Variants in TRMT11 observed in about 807,000 individuals in gnomAD.
TRMT11 encodes tRNA methyltransferase 11.
In TRMT11, 53 loss-of-function variants were observed where a neutral mutation model predicts 62.8. That is an observed-to-expected ratio of 0.84 (90% confidence interval 0.68 to 1.06). The LOEUF (loss-of-function observed/expected upper bound fraction) is 1.06. Ranked by LOEUF, TRMT11 falls within the 50% of genes least tolerant of loss-of-function variation. TRMT11 has a pLI of 0.00. For synonymous variants in TRMT11, 188 were observed against 190.3 expected (o/e 0.99, Z 0.10); for missense variants, 556 against 553.4 (o/e 1.00, Z -0.05).
the TRMT11 span, among the ~76,000 whole-genome samples, chr6:126,237,612 T>A: frequency 2.6e-4 from 40 of 152,100 alleles, no homozygotes; most frequent in African/African-American, 9.4e-4. Flanking sequence ...GCCTGGCAGG[T>A]TGAGGCTGTA....
the TRMT11 span, among the ~76,000 whole-genome samples, chr6:126,251,398 T>C: frequency 2.0e-5 from 3 of 152,182 alleles, no homozygotes; most frequent in African/African-American, 7.2e-5. Flanking sequence ...AAAATTTTGA[T>C]ATATGCATAC....
chr6:126,075,289 T>G (rs1192046006), intron 17 of TRMT11, among the ~76,000 whole-genome samples: 1 of 152,154 alleles, frequency 6.6e-6, no homozygotes, highest in Non-Finnish European at 1.5e-5. Context: ...TTCTTATTGC[T>G]CTGCAGGGGC....
chr6:126,035,903 G>A (rs376254182), intron 12 of TRMT11, among the ~76,000 whole-genome samples: 4 of 151,954 alleles, frequency 2.6e-5, no homozygotes, highest in Admixed American at 6.6e-5. Context: ...CCTTTGGTCC[G>A]TAGAGGAAGC....
the TRMT11 span, among the ~76,000 whole-genome samples, chr6:126,253,265 G>A: frequency 1.3e-5 from 2 of 152,152 alleles, no homozygotes; most frequent in African/African-American, 2.4e-5. Flanking sequence ...CCCACAGGAA[G>A]GTCTTCAGGG....
rs372037434 is a variant in TRMT11, at chr6:126,071,806, C to T, written c.*1437+18616C>T. Among the ~76,000 whole-genome samples, 11 of 152,272 alleles carry T rather than the reference C, an allele frequency of 7.2e-5. No individual in the cohort carries two copies. In the East Asian group the frequency reaches 9.6e-4, roughly 13 times the overall value. On this transcript the variant is annotated intron_variant and NMD_transcript_variant, in intron 17 of 22. Transcript: ENST00000648977. The stretch of plus-strand genomic sequence containing the variant: ...AGAAAATAAATCTCAGCTAAAATCT[C>T]CTCCATGTCATGGTATATCAATGAT...
At chr6:126,086,818 G>A (rs1387036681) in intron 17 of TRMT11, among the ~76,000 whole-genome samples, 4 of 152,068 alleles carry the variant, frequency 2.6e-5, no homozygotes, top group African/African-American at 9.7e-5. Flanking sequence ...GAAGGCCTGT[G>A]GTGATCTTTT....
intron 8 of TRMT11, 154 bp downstream of exon 8, chr6:126,008,626 G>T (rs1473056421): frequency 4.0e-6 from 3 of 744,284 alleles, no homozygotes; most frequent in Middle Eastern, 2.3e-4. Context: ...AAACATCAAG[G>T]CCAATCCCTC....
chr6:126,093,617 A>G (rs1175891468), intron 17 of TRMT11, among the ~76,000 whole-genome samples: 1 of 88,908 alleles, frequency 1.1e-5, no homozygotes, highest in Non-Finnish European at 2.0e-5. Flanking sequence ...ATATATATAT[A>G]TATATATATA....
intron 3 of TRMT11, among the ~76,000 whole-genome samples, chr6:125,996,407 G>GATTAGTGA (rs1279853274): frequency 6.6e-6 from 1 of 152,204 alleles, no homozygotes; most frequent in Admixed American, 6.5e-5. Flanking sequence ...TGGATGAGCA[G>GATTAGTGA]ATTAGTGAAG....
chr6:126,190,068 T>C (rs1219205261), intron 1 of TRMT11, among the ~76,000 whole-genome samples: 1 of 152,184 alleles, frequency 6.6e-6, no homozygotes, highest in Non-Finnish European at 1.5e-5. Context: ...CATTATAATT[T>C]CTTCTTTTTT....
chr6:126,202,774 G>A (rs1778749439), downstream of TRMT11, among the ~76,000 whole-genome samples: 1 of 152,286 alleles, frequency 6.6e-6, no homozygotes, highest in East Asian at 1.9e-4. Context: ...TAACCTTCAT[G>A]AATGAGGTTT....
At chr6:126,044,048 CTTTAG>C (rs1205126821), downstream of TRMT11, among the ~76,000 whole-genome samples, 1 of 151,420 alleles carries the variant, frequency 6.6e-6, no homozygotes, top group East Asian at 1.9e-4. Context: ...TGCAGAAGCT[CTTTAG>C]TTTAATTAGA....
the TRMT11 span, among the ~76,000 whole-genome samples, chr6:126,239,799 GT>G: frequency 2.6e-5 from 4 of 152,216 alleles, no homozygotes; most frequent in Admixed American, 6.5e-5. Context: ...ATCCTTCAGA[GT>G]GTTTTCCAAC....
At chr6:126,216,424 G>A in the TRMT11 span, among the ~76,000 whole-genome samples, 18 of 152,108 alleles carry the variant, frequency 1.2e-4, no homozygotes, top group South Asian at 6.2e-4. Context: ...ATTGTCATTT[G>A]TTTCAGGAAA....
At chr6:126,049,555 G>A (rs980753047) in intron 16 of TRMT11, among the ~76,000 whole-genome samples, 6 of 151,918 alleles carry the variant, frequency 3.9e-5, no homozygotes, top group African/African-American at 1.5e-4. Context: ...TCTAAGGCTT[G>A]TCTATTGGTG....
At chr6:126,064,955 A>G (rs1193820620) in intron 17 of TRMT11, among the ~76,000 whole-genome samples, 1 of 152,242 alleles carries the variant, frequency 6.6e-6, no homozygotes, top group East Asian at 1.9e-4. Context: ...ACTTAATACT[A>G]GAACAGAAAC....
intron 16 of TRMT11, among the ~76,000 whole-genome samples, chr6:126,044,870 A>G (rs1776002109): frequency 6.6e-6 from 1 of 152,230 alleles, no homozygotes; most frequent in Admixed American, 6.5e-5. Flanking sequence ...ACTTGGGTAT[A>G]AGGAAGAACT....
chr6:126,148,018 C>T (rs1012636727), intron 21 of TRMT11, among the ~76,000 whole-genome samples: 1 of 152,010 alleles, frequency 6.6e-6, no homozygotes. Context: ...GCATGTTCTG[C>T]ACATGTACCC....
intron 21 of TRMT11, among the ~76,000 whole-genome samples, chr6:126,116,836 C>T (rs1777592749): frequency 6.6e-6 from 1 of 152,052 alleles, no homozygotes; most frequent in Non-Finnish European, 1.5e-5. Flanking sequence ...TTTGGATGTT[C>T]ATGAGGGAGA....
Sources: allele counts gnomAD v4.1 joint callset (sites outside exome capture counted in the v4.1 genomes callset), GRCh38; gene constraint gnomAD v4.1.1; transcripts MANE v1.5; gene names NCBI Gene and HGNC (gene_info 2026-07-23, HGNC 2026-07-21).